KAZN: variants seen among roughly 807,000 people sequenced by gnomAD.
KAZN encodes kazrin, periplakin interacting protein, also known as kazrin.
In KAZN, 40 loss-of-function variants were observed where a neutral mutation model predicts 87.4. That is an observed-to-expected ratio of 0.46 (90% CI 0.36 to 0.60). The LOEUF (loss-of-function observed/expected upper bound fraction) is 0.60, where lower values mean the gene tolerates loss of function less well. KAZN is among the 20% of genes least tolerant of loss of function. The pLI is 0.00. For missense variants in KAZN, 898 were observed against 1,073.9 expected, an observed-to-expected ratio of 0.84 and a Z score of 2.29; for synonymous variants, 466 against 458.3, an observed-to-expected ratio of 1.02 and a Z score of -0.22.
chr1:14,857,630 G>A (rs753256669), intron 1 of KAZN, among the ~76,000 whole-genome samples: 5 of 152,102 alleles, frequency 3.3e-5, no homozygotes, highest in East Asian at 1.9e-4. Context: ...TGTTGAGGGC[G>A]CCCGCTGGCT....
chr1:14,754,500 G>T (rs997324589), intron 1 of KAZN, among the ~76,000 whole-genome samples: 2 of 152,160 alleles, frequency 1.3e-5, no homozygotes, highest in African/African-American at 4.8e-5. Context: ...AGGCATGGTG[G>T]TGGGCGCCTG....
At chr1:14,475,454 C>T (rs1245363801) in intron 2 of KAZN, among the ~76,000 whole-genome samples, 2 of 152,176 alleles carry the variant, frequency 1.3e-5, no homozygotes, top group East Asian at 3.8e-4. Flanking sequence ...TATTCACCTC[C>T]CGTATCTTGT....
At chr1:14,323,548 C>T (rs1656198291) in intron 2 of KAZN, among the ~76,000 whole-genome samples, 1 of 152,124 alleles carries the variant, frequency 6.6e-6, no homozygotes, top group Non-Finnish European at 1.5e-5. Flanking sequence ...CCAGCCCATT[C>T]TTTGTGCCAA....
intron 1 of KAZN, among the ~76,000 whole-genome samples, chr1:14,764,491 G>T (rs563019683): frequency 2.7e-5 from 4 of 148,970 alleles, no homozygotes; most frequent in Admixed American, 6.8e-5. Flanking sequence ...GTTATCCGCC[G>T]CCCCTCTGCC....
At chr1:14,723,615 C>G (rs879449477) in intron 1 of KAZN, among the ~76,000 whole-genome samples, 4 of 152,230 alleles carry the variant, frequency 2.6e-5, no homozygotes, top group African/African-American at 4.8e-5. Context: ...GGCTGTCCAT[C>G]TGCCGGGCTC....
chr1:14,183,206 C>T (rs1179357160), intron 2 of KAZN, among the ~76,000 whole-genome samples: 1 of 152,116 alleles, frequency 6.6e-6, no homozygotes, highest in Non-Finnish European at 1.5e-5. Flanking sequence ...CATTGCCGGA[C>T]TATGAAATTC....
chr1:14,939,419 A>G (rs965144205), intron 1 of KAZN, among the ~76,000 whole-genome samples: 5 of 151,474 alleles, frequency 3.3e-5, no homozygotes, highest in Admixed American at 2.0e-4. Flanking sequence ...ACAGGCACAC[A>G]CCACCATGCC....
chr1:14,745,420 T>G (rs1644237129), intron 1 of KAZN, among the ~76,000 whole-genome samples: 1 of 152,216 alleles, frequency 6.6e-6, no homozygotes, highest in African/African-American at 2.4e-5. Context: ...TTTTCTCTGC[T>G]GGTTGCAAAG....
At chr1:14,381,961 A>G (rs1661405088) in intron 2 of KAZN, among the ~76,000 whole-genome samples, 1 of 152,214 alleles carries the variant, frequency 6.6e-6, no homozygotes, top group Admixed American at 6.5e-5. Context: ...ATTAGAACTG[A>G]TCAACATATT....
intron 2 of KAZN, among the ~76,000 whole-genome samples, chr1:14,350,406 C>T (rs1658450632): frequency 6.6e-6 from 1 of 152,190 alleles, no homozygotes; most frequent in African/African-American, 2.4e-5. Context: ...CGGCACAGAG[C>T]CTGGTTCCTC....
chr1:14,470,295 G>C (rs748856651), intron 2 of KAZN, among the ~76,000 whole-genome samples: 4 of 152,106 alleles, frequency 2.6e-5, no homozygotes, highest in African/African-American at 9.7e-5. Context: ...GTGTTTTCAC[G>C]GTCCCCTAAG....
intron 1 of KAZN, among the ~76,000 whole-genome samples, chr1:14,774,145 C>G (rs1422599654): frequency 6.6e-6 from 1 of 151,284 alleles, no homozygotes; most frequent in Non-Finnish European, 1.5e-5. Context: ...TCTTTCTCTT[C>G]TCTCTCACCC....
intron 1 of KAZN, among the ~76,000 whole-genome samples, chr1:13,951,369 T>C (rs4661455): frequency 0.5 from 76,274 of 151,906 alleles, 19,593 homozygotes; most frequent in Admixed American, 0.57. Context: ...GAGGATAAGA[T>C]GAGCTAGTCC....
At chr1:14,592,829 C>G (rs1383730440) in intron 2 of KAZN, among the ~76,000 whole-genome samples, 1 of 152,206 alleles carries the variant, frequency 6.6e-6, no homozygotes, top group Non-Finnish European at 1.5e-5. Flanking sequence ...TCCACCTTGT[C>G]CCACGTACGG....
At chr1:14,441,510 C>T (rs909533144) in intron 2 of KAZN, among the ~76,000 whole-genome samples, 1 of 152,254 alleles carries the variant, frequency 6.6e-6, no homozygotes, top group Admixed American at 6.5e-5. Flanking sequence ...GATTCTGAGG[C>T]CCCTCAAGTC....
intron 4 of KAZN, among the ~76,000 whole-genome samples, chr1:15,050,912 C>T (rs1674330627): frequency 6.6e-6 from 1 of 152,208 alleles, no homozygotes; most frequent in African/African-American, 2.4e-5. Context: ...CCGGTGCCTC[C>T]CTGCTGGACC....
intron 1 of KAZN, among the ~76,000 whole-genome samples, chr1:14,148,672 T>C (rs556862961): frequency 6.6e-6 from 1 of 152,232 alleles, no homozygotes; most frequent in African/African-American, 2.4e-5. Flanking sequence ...CAGGAAATCC[T>C]TGGTGGTCTG....
At position 14,142,306 on chromosome 1, in the gene KAZN, G is replaced by A. The variant is rs116210355; in HGVS notation, c.92-38129G>A. Among the ~76,000 whole-genome samples, 728 of 152,168 alleles carry A rather than the reference G, an allele frequency of 4.8e-3. 6 individuals carry two copies. The highest frequency in any genetic ancestry group is 0.016 in the African/African-American group (666 of 41,520). On this transcript the variant is annotated intron_variant, in intron 1 of 16. Transcript: ENST00000636203. ...TCCTGGTGCATGCACAATTAGAAGC[G>A]TTTAAAATTCCAATAAAATACACAG...
At position 13,946,345 on chromosome 1, in the gene KAZN, G is replaced by T. The variant is rs1293669436; in HGVS notation, c.91+52589G>T. On this transcript the variant is annotated intron_variant, in intron 1 of 16. Transcript: ENST00000636203. ...GCGATTCTGGAGCCAGTCTTCCTGG[G>T]TTTCAAAACGGGATTTTCCTCTTAT... Among the ~76,000 whole-genome samples the T allele has an allele frequency of 2.6e-5, 4 of 152,228 alleles. No individual in the cohort carries two copies. The East Asian group carries it at 7.7e-4, about 29-fold the overall frequency.
Sources: gnomAD v4.1 joint callset for allele counts (sites outside exome capture counted in the v4.1 genomes callset) on GRCh38, gnomAD v4.1.1 for gene constraint, MANE v1.5 for transcripts, NCBI Gene and HGNC (gene_info 2026-07-23, HGNC 2026-07-21) for gene names.